MEGF8: variants seen among roughly 807,000 people sequenced by gnomAD.
MEGF8 encodes the protein multiple epidermal growth factor-like domains protein 8.
A neutral mutation model predicts 302.9 loss-of-function variants in MEGF8; 156 were observed. The ratio of observed to expected loss-of-function variants is 0.52; its 90% CI spans 0.45 to 0.59. The LOEUF is 0.59. Among genes scored for constraint, MEGF8 ranks in the 20% least tolerant of loss-of-function variants. The probability of loss-of-function intolerance (pLI) is 0.00; values close to 1 mark genes in which losing one functional copy is unlikely to be tolerated. For missense variants in MEGF8, 3,345 were observed against 3,964.5 expected (o/e 0.84, Z 4.20); for synonymous variants, 1,621 against 1,660.5 (o/e 0.98, Z 0.58).
rs1217813236 is a variant in MEGF8 at position 42,356,889 on chromosome 19, G to A, written c.4738G>A (p.Ala1580Thr). 1 of 1,606,106 alleles carries A rather than the reference G, an allele frequency of 6.2e-7. No individual in the cohort carries two copies. Among genetic ancestry groups the A allele is most frequent in the Non-Finnish European group, 8.5e-7 (1 of 1,176,716 alleles). ...CGCATATGTGCCCGCTGGCCGTGGTGCCATGTATCTGCTGGGGGGACTTAC... is the reference window on the plus strand; with the variant it reads ...CGCATATGTGCCCGCTGGCCGTGGTACCATGTATCTGCTGGGGGGACTTAC... Reference protein sequence around the residue: ...AAAYVPAGRGAMYLLGGLTAG... With the variant: ...AAAYVPAGRGTMYLLGGLTAG... The change falls in exon 27 of 42, where the codon GCC (alanine) becomes ACC (threonine). Residue 1580 changes from alanine to threonine, a missense_variant. Transcript: ENST00000251268. This position sits in a 1 kb window ranked among gnomAD's most constrained non-coding sequence, Gnocchi z 5.2.
intron 1 of MEGF8, among the ~76,000 whole-genome samples, chr19:42,327,528 C>G (rs1380931670): frequency 6.6e-6 from 1 of 152,330 alleles, no homozygotes; most frequent in African/African-American, 2.4e-5. Context: ...AGGCCCCAGC[C>G]CTACCCTTCT....
intron 30 of MEGF8, 51 bp from the exon 31 acceptor site, chr19:42,359,047 G>A (rs2039493867): frequency 5.2e-6 from 8 of 1,533,968 alleles, no homozygotes; most frequent in Admixed American, 2.0e-5. Context: ...AGGGAGCAGA[G>A]GACAGCTCTG....
At position 42,357,592 on chromosome 19, in the gene MEGF8, T is replaced by C; in HGVS notation, c.5011+8T>C. 1 of 1,587,214 alleles carries C rather than the reference T, an allele frequency of 6.3e-7. No individual in the cohort carries two copies. ...GTGGGACACCCCCCACAGGTGGGGCTGGGGACCGGGAGGGGACAGCCCCCG... is the reference window on the plus strand; with the variant it reads ...GTGGGACACCCCCCACAGGTGGGGCCGGGGACCGGGAGGGGACAGCCCCCG... On this transcript the variant is annotated splice_region_variant and intron_variant, in intron 28 of 41. Coordinates refer to ENST00000251268, the MANE Select transcript of MEGF8 (RefSeq NM_001271938.2). This position sits in a 1 kb window ranked among gnomAD's most constrained non-coding sequence, Gnocchi z 5.2.
At chr19:42,347,411 G>A (rs922158305) in intron 12 of MEGF8, among the ~76,000 whole-genome samples, 3 of 149,718 alleles carry the variant, frequency 2.0e-5, no homozygotes, top group African/African-American at 2.5e-5. Flanking sequence ...CCTGCCTCCC[G>A]GGCTTAAGTG....
Position 42,354,018 on chromosome 19 carries a change from C to A in MEGF8, c.4005C>A (p.Pro1335=). The stretch of plus-strand genomic sequence containing the variant: ...CCTTCTCCCCCGACAGCAGCACCCC[C>A]TGCACGGTGAGCACTGAGGAAACGA... ...TLTFSPDSST[P]CTLSYVLAFD... Residue 1335 remains proline, a synonymous_variant, in exon 22 of 42, where the codon CCC becomes CCA. Coordinates refer to ENST00000251268, the MANE Select transcript of MEGF8 (RefSeq NM_001271938.2). The surrounding 1 kb of genome is among the most constrained non-coding windows in gnomAD (Gnocchi z 4.3). 1 of 1,586,926 alleles carries A rather than the reference C, an allele frequency of 6.3e-7. No individual in the cohort carries two copies. Among genetic ancestry groups the A allele is most frequent in the East Asian group, 2.3e-5 (1 of 43,144 alleles).
At chr19:42,366,094 G>A (rs1048560739) in intron 35 of MEGF8, among the ~76,000 whole-genome samples, 2 of 151,834 alleles carry the variant, frequency 1.3e-5, no homozygotes, top group Non-Finnish European at 2.9e-5. Flanking sequence ...GAAAAAAAAA[G>A]AAGTGTTGGC....
chr19:42,334,881 C>A (rs2039104087), intron 3 of MEGF8, among the ~76,000 whole-genome samples, 154 bp from the exon 4 acceptor site: 1 of 151,972 alleles, frequency 6.6e-6, no homozygotes, highest in Admixed American at 6.6e-5. Flanking sequence ...CTCTCTCTTT[C>A]CTTTTCCATC....
rs202135585 is a variant in MEGF8 at position 42,335,234 on chromosome 19, T to A, written c.739+19T>A. ...TTCGGAGGTGAGCAGATGGGGCGAG[T>A]ATCTGGGATCTGGAGGCCCGGCAGC... On this transcript the variant is annotated intron_variant, in intron 4 of 41. Coordinates refer to ENST00000251268, the MANE Select transcript of MEGF8 (RefSeq NM_001271938.2). 6.2e-7 allele frequency: 1 copy of A among 1,613,820 alleles called. No homozygotes were observed. The highest frequency in any genetic ancestry group is 1.3e-5 in the African/African-American group (1 of 75,000).
Position 42,349,481 on chromosome 19 carries a change from C to A in MEGF8, c.2299-18C>A. 1 of 1,590,464 alleles carries A rather than the reference C, an allele frequency of 6.3e-7. No homozygotes were observed. The highest frequency in any genetic ancestry group is 1.1e-5 in the South Asian group (1 of 88,074). ...GAAGGGTTCTGAGGCCCCTGCCTATCACTCACACCTACCCCAGGAGGAGGT... is the reference window on the plus strand; with the variant it reads ...GAAGGGTTCTGAGGCCCCTGCCTATAACTCACACCTACCCCAGGAGGAGGT... On this transcript the variant is annotated intron_variant, in intron 13 of 41. Transcript: ENST00000251268.
In MEGF8 at chr19:42,358,711, G is replaced by T; in HGVS notation, c.5176-76G>T. 2 of 1,447,696 alleles carry T rather than the reference G, an allele frequency of 1.4e-6. No individual in the cohort carries two copies. The highest frequency in any genetic ancestry group is 1.8e-6 in the Non-Finnish European group (2 of 1,095,742). The allele number at this position is 1,447,696 out of a possible 1,614,324, so 89.7% of individuals were successfully genotyped here. On this transcript the variant is annotated intron_variant, in intron 29 of 41. Transcript: ENST00000251268. The surrounding 1 kb of genome is among the most constrained non-coding windows in gnomAD (Gnocchi z 4.4). ...GTGGTTTCAGTCCACACGTTTCCAAGCCCGTCTTGGAGGCAGGGGGCTAGA... is the reference window on the plus strand; with the variant it reads ...GTGGTTTCAGTCCACACGTTTCCAATCCCGTCTTGGAGGCAGGGGGCTAGA...
chr19:42,338,685 TG>T (rs2039167183), intron 8 of MEGF8, among the ~76,000 whole-genome samples: 2 of 152,246 alleles, frequency 1.3e-5, no homozygotes, highest in South Asian at 4.1e-4. Context: ...TTTCTGTTCC[TG>T]TATTAGTCTG....
chr19:42,375,778 G>T lies in MEGF8; in HGVS notation c.7541G>T (p.Arg2514Leu), dbSNP rs369692848. 1.9e-6 allele frequency: 3 copies of T among 1,612,906 alleles called. No individual in the cohort carries two copies. Among genetic ancestry groups the T allele is most frequent in the South Asian group, 2.2e-5 (2 of 91,014 alleles). ...VSTSYDTFVV[R>L]VAPDTGVHTV... ...ACCTCCTATGACACCTTCGTGGTCCGTGTGGCCCCTGACACTGGCGTCCAT... is the reference window on the plus strand; with the variant it reads ...ACCTCCTATGACACCTTCGTGGTCCTTGTGGCCCCTGACACTGGCGTCCAT... The change falls in exon 42 of 42, where the codon CGT becomes CTT. Residue 2514 changes from arginine to leucine, a missense_variant. Transcript: ENST00000251268. This position sits in a 1 kb window ranked among gnomAD's most constrained non-coding sequence, Gnocchi z 7.1.
In MEGF8 at chr19:42,363,030, C is replaced by A. The variant is rs565505835; in HGVS notation, c.6059-18C>A. 12 of 1,604,834 alleles carry A rather than the reference C, an allele frequency of 7.5e-6. No individual in the cohort carries two copies. The East Asian group carries it at 1.8e-4, about 24-fold the overall frequency. On this transcript the variant is annotated intron_variant, in intron 34 of 41. Transcript: ENST00000251268. ...ATCTCCTGGGTCTGAGGTTCTAATC[C>A]CCGTGCCCCACCCCCAGGGGAGACC...
Position 42,348,314 on chromosome 19 carries a change from G to T in MEGF8, c.2140G>T (p.Ala714Ser), listed in dbSNP as rs368461816. 6.5e-6 allele frequency: 10 copies of T among 1,537,544 alleles called. No individual in the cohort carries two copies. Among genetic ancestry groups the T allele is most frequent in the Non-Finnish European group, 8.7e-6 (10 of 1,146,970 alleles). The change falls in exon 13 of 42, where the codon GCA (alanine) becomes TCA (serine). Residue 714 changes from alanine (A) to serine (S), a missense_variant. Physicochemically the swap from Ala to Ser is moderately conservative, Grantham distance 99. Coordinates refer to ENST00000251268, the MANE Select transcript of MEGF8 (RefSeq NM_001271938.2). ...RSTTITLTPS[A>S]ETDVSLVYRG... The stretch of plus-strand genomic sequence containing the variant: ...CACGACCATCACCCTAACACCCAGC[G>T]CAGAGACAGATGTGTCCCTGGTCTA...
intron 1 of MEGF8, among the ~76,000 whole-genome samples, chr19:42,328,888 G>T (rs1297403768): frequency 6.6e-6 from 1 of 152,130 alleles, no homozygotes; most frequent in Non-Finnish European, 1.5e-5. Context: ...GGTTGGGAAT[G>T]GTGGGGCTGG....
chr19:42,335,648 T>C (rs956008373), intron 5 of MEGF8, among the ~76,000 whole-genome samples: 1 of 152,238 alleles, frequency 6.6e-6, no homozygotes, highest in African/African-American at 2.4e-5. Context: ...ACTTTTGGGC[T>C]TCTGTGTTCT....
intron 35 of MEGF8, among the ~76,000 whole-genome samples, chr19:42,367,010 C>G (rs1444729508): frequency 6.6e-6 from 1 of 152,216 alleles, no homozygotes; most frequent in Non-Finnish European, 1.5e-5. Context: ...GTTGCTTTGC[C>G]TTTTCCTAAG....
Position 42,376,605 on chromosome 19 carries a change from G to A in MEGF8, c.8368G>A (p.Gly2790Arg), listed in dbSNP as rs776276340. Residue 2790 changes from glycine to arginine, a missense_variant, in exon 42 of 42, where the codon GGG (glycine) becomes AGG (arginine). Gly to Arg is a moderately radical substitution (Grantham distance 125). Transcript: ENST00000251268. This position sits in a 1 kb window ranked among gnomAD's most constrained non-coding sequence, Gnocchi z 8.2. ...CACACTGCTGCTCCAGCTGCCTGGC[G>A]GGCCCCATGCACCCAACGGCGCCTG... ...VATLLLQLPG[G>R]PHAPNGACLG... is the part of the protein sequence containing the mutation. The A allele has an allele frequency of 2.9e-5, 45 of 1,548,424 alleles. No individual in the cohort carries two copies. The highest frequency in any genetic ancestry group is 3.7e-5 in the Non-Finnish European group (43 of 1,149,468).
chr19:42,336,987 C>T lies in MEGF8; in HGVS notation c.1390+35C>T. 6.2e-7 allele frequency: 1 copy of T among 1,613,564 alleles called. No homozygotes were observed. The highest frequency in any genetic ancestry group is 1.1e-5 in the South Asian group (1 of 91,026). ...CTCCCCAATCCTGCCTGCCTGCCTG[C>T]TGAGGGCCTGAGCCAACCCTGAGCT... On this transcript the variant is annotated intron_variant, in intron 7 of 41. Transcript: ENST00000251268. This position sits in a 1 kb window ranked among gnomAD's most constrained non-coding sequence, Gnocchi z 4.8.
Sources: allele counts gnomAD v4.1 joint callset (sites outside exome capture counted in the v4.1 genomes callset), GRCh38; gene constraint gnomAD v4.1.1; non-coding constraint Gnocchi (gnomAD v3.1); transcripts MANE v1.5; gene names NCBI Gene and HGNC (gene_info 2026-07-23, HGNC 2026-07-21).